KCNQ1: variants seen among roughly 807,000 people sequenced by gnomAD.
The protein encoded by KCNQ1 is potassium voltage-gated channel subfamily Q member 1, also known as potassium voltage-gated channel subfamily KQT member 1.
In KCNQ1, 49 loss-of-function variants were observed where a neutral mutation model predicts 72.4. The ratio of observed to expected loss-of-function variants is 0.68; its 90% CI spans 0.54 to 0.86. The LOEUF (loss-of-function observed/expected upper bound fraction) is 0.86, where lower values mean the gene tolerates loss of function less well. Among genes scored for constraint, KCNQ1 ranks in the 40% least tolerant of loss-of-function variants. The pLI is 0.00. For synonymous variants in KCNQ1, 450 were observed against 412.6 expected (o/e 1.09, Z -1.10); for missense variants, 790 against 945.1 (o/e 0.84, Z 2.15).
At chr11:2,548,543 G>A (rs1289712829) in intron 2 of KCNQ1, among the ~76,000 whole-genome samples, 1 of 152,176 alleles carries the variant, frequency 6.6e-6, no homozygotes, top group Admixed American at 6.5e-5. Flanking sequence ...CTCTGGGGGT[G>A]GGGGGACACG....
intron 15 of KCNQ1, among the ~76,000 whole-genome samples, chr11:2,805,738 A>C (rs1227856759): frequency 1.3e-5 from 2 of 152,182 alleles, no homozygotes; most frequent in African/African-American, 4.8e-5. Flanking sequence ...TGCAGAAATG[A>C]ACCTAATTGT....
rs200368609 is a variant in KCNQ1, at chr11:2,571,428, C to A, written c.683+25C>A. On this transcript the variant is annotated intron_variant, in intron 4 of 15. Transcript: ENST00000155840. Reference sequence around the variant, plus strand: ...GGTGCGTCTGTGCCACAAGCTCCCCCCGCCATGCCGCCCCACCCCGAGCAC... The same window carrying A: ...GGTGCGTCTGTGCCACAAGCTCCCCACGCCATGCCGCCCCACCCCGAGCAC... The A allele has an allele frequency of 1.9e-6, 3 of 1,591,368 alleles. No homozygotes were observed. The East Asian group carries it at 6.7e-5, about 36-fold the overall frequency.
Position 2,483,709 on chromosome 11 carries a change from T to A in KCNQ1, c.386+38225T>A, listed in dbSNP as rs150312648. Among the ~76,000 whole-genome samples the A allele has an allele frequency of 1.4e-4, 21 of 151,716 alleles. No homozygotes were observed. Among genetic ancestry groups the A allele is most frequent in the African/African-American group, 4.4e-4 (18 of 41,306 alleles). ...ATTTTTGGCAAGAACACCGCGGGAG[T>A]GTTGTTGGGTCCCGAGGAGTCCCTG... On this transcript the variant is annotated intron_variant, in intron 1 of 15. Coordinates refer to ENST00000155840, the MANE Select transcript of KCNQ1 (RefSeq NM_000218.3). The surrounding 1 kb of genome is among the most constrained non-coding windows in gnomAD (Gnocchi z 6.1).
At position 2,725,992 on chromosome 11, in the gene KCNQ1, G is replaced by A. The variant is rs541673747; in HGVS notation, c.1515-42852G>A. On this transcript the variant is annotated intron_variant, in intron 11 of 15. Coordinates refer to ENST00000155840, the MANE Select transcript of KCNQ1 (RefSeq NM_000218.3). The surrounding 1 kb of genome is among the most constrained non-coding windows in gnomAD (Gnocchi z 7.2). ...AAGGCCTCGCCAAGAAAAACAGCAG[G>A]CTAAAGACCCCTGATTTCTTCATGA... 9.8e-5 allele frequency among the ~76,000 whole-genome samples: 15 copies of A among 152,356 alleles called. No individual in the cohort carries two copies. Among genetic ancestry groups the A allele is most frequent in the African/African-American group, 3.6e-4 (15 of 41,586 alleles).
intron 15 of KCNQ1, among the ~76,000 whole-genome samples, chr11:2,804,240 C>T (rs554695171): frequency 3.3e-5 from 5 of 152,314 alleles, no homozygotes; most frequent in African/African-American, 9.6e-5. Context: ...TGCTCTCCAC[C>T]GAGCCCTGCA....
intron 2 of KCNQ1, among the ~76,000 whole-genome samples, chr11:2,542,905 C>A (rs1847851495): frequency 6.6e-6 from 1 of 152,120 alleles, no homozygotes; most frequent in Non-Finnish European, 1.5e-5. Context: ...TGGGTAAATA[C>A]CTAGGTATAG....
rs147278439 is a variant in KCNQ1 at position 2,733,857 on chromosome 11, C to CTCGCTCTTTCTCTCT, written c.1515-34987_1515-34986insTCGCTCTTTCTCTCT. Among the ~76,000 whole-genome samples, 635 of 76,346 alleles carry CTCGCTCTTTCTCTCT rather than the reference C, an allele frequency of 8.3e-3. 56 individuals are homozygous for CTCGCTCTTTCTCTCT. Among genetic ancestry groups the CTCGCTCTTTCTCTCT allele is most frequent in the African/African-American group, 0.033 (543 of 16,454 alleles). The allele number at this position is 76,346 out of a possible 152,430, so 50.1% of individuals were successfully genotyped here. Reference sequence around the variant, plus strand: ...TCTCTCTCTCTCTCTCTCTCTCTCTCCCCCCCCACTTCAGGGCCTTCGCGC... The same window carrying CTCGCTCTTTCTCTCT: ...TCTCTCTCTCTCTCTCTCTCTCTCTCTCGCTCTTTCTCTCTCCCCCCCACTTCAGGGCCTTCGCGC... On this transcript the variant is annotated intron_variant, in intron 11 of 15. Coordinates refer to ENST00000155840, the MANE Select transcript of KCNQ1 (RefSeq NM_000218.3).
intron 11 of KCNQ1, among the ~76,000 whole-genome samples, chr11:2,761,267 G>A (rs1411021713): frequency 9.0e-6 from 1 of 110,852 alleles, no homozygotes; most frequent in Non-Finnish European, 2.1e-5. Context: ...CTGCCGGCCT[G>A]TCGGTGCCTG....
intron 1 of KCNQ1, chr11:2,461,856 G>A (rs770126446): frequency 5.1e-6 from 3 of 592,546 alleles, no homozygotes; most frequent in Non-Finnish European, 8.1e-6. Flanking sequence ...AGAGAGAAAG[G>A]GGTGGGTGGA....
At chr11:2,749,686 GC>G (rs1355036816) in intron 11 of KCNQ1, among the ~76,000 whole-genome samples, 1 of 145,980 alleles carries the variant, frequency 6.9e-6, no homozygotes, top group East Asian at 2.2e-4. Flanking sequence ...GGTGGCGGGC[GC>G]CTGTGGTCCC....
chr11:2,814,977 C>G (rs1847585453), intron 15 of KCNQ1, among the ~76,000 whole-genome samples: 1 of 152,182 alleles, frequency 6.6e-6, no homozygotes, highest in South Asian at 2.1e-4. Flanking sequence ...AGCGCTATGC[C>G]CTTCTGAGGC....
chr11:2,569,973 C>T (rs1360736049), intron 2 of KCNQ1, among the ~76,000 whole-genome samples: 1 of 152,176 alleles, frequency 6.6e-6, no homozygotes, highest in African/African-American at 2.4e-5. Context: ...CAGGTGACTC[C>T]CTGTAAGGGC....
intron 15 of KCNQ1, among the ~76,000 whole-genome samples, chr11:2,833,998 C>T (rs1848011708): frequency 6.6e-6 from 1 of 152,242 alleles, no homozygotes; most frequent in Non-Finnish European, 1.5e-5. Flanking sequence ...AGCAGAACCC[C>T]ACTTAGCCAC....
chr11:2,627,289 A>C lies in KCNQ1; in HGVS notation c.1394-34672A>C, dbSNP rs10832405. ...AATCAAGCCAATTAACATATACCTT[A>C]CATAGTTGCCATGTGTGTGCGTGTG... On this transcript the variant is annotated intron_variant, in intron 10 of 15. Coordinates refer to ENST00000155840, the MANE Select transcript of KCNQ1 (RefSeq NM_000218.3). This position sits in a 1 kb window ranked among gnomAD's most constrained non-coding sequence, Gnocchi z 4.9. 354,975 of 398,436 alleles carry C rather than the reference A, an allele frequency of 0.89. 158,279 individuals are homozygous for C. The highest frequency in any genetic ancestry group is 0.91 in the East Asian group (25,652 of 28,058). The allele number at this position is 398,436 out of a possible 1,614,324, so 24.7% of individuals were successfully genotyped here.
At chr11:2,640,366 A>G (rs897005131) in intron 10 of KCNQ1, 10 of 398,448 alleles carry the variant, frequency 2.5e-5, no homozygotes, top group Non-Finnish European at 3.1e-5. Context: ...ACTTACTGCA[A>G]TCTTTAACTC....
chr11:2,763,693 A>G (rs1292637857), intron 11 of KCNQ1, among the ~76,000 whole-genome samples: 6 of 152,010 alleles, frequency 3.9e-5, no homozygotes, highest in Non-Finnish European at 5.9e-5. Flanking sequence ...GAGTAGCAAG[A>G]AGCACAGGTA....
intron 6 of KCNQ1, among the ~76,000 whole-genome samples, chr11:2,582,443 G>A (rs964776644): frequency 6.6e-6 from 1 of 152,230 alleles, no homozygotes. Flanking sequence ...ATAGGGCTGG[G>A]AATCCAGTGG....
At chr11:2,448,564 G>A (rs1004397757) in intron 1 of KCNQ1, among the ~76,000 whole-genome samples, 1 of 152,342 alleles carries the variant, frequency 6.6e-6, no homozygotes, top group East Asian at 1.9e-4. Flanking sequence ...GCAGCTGCTG[G>A]GCAGTTGTTC....
chr11:2,609,682 C>T (rs1848946054), intron 10 of KCNQ1: 2 of 398,124 alleles, frequency 5.0e-6, no homozygotes. Flanking sequence ...TCAGTTTTTG[C>T]TTCTTATGTT....
Sources: gnomAD v4.1 joint callset for allele counts (sites outside exome capture counted in the v4.1 genomes callset) on GRCh38, gnomAD v4.1.1 for gene constraint, Gnocchi (gnomAD v3.1) non-coding constraint, MANE v1.5 for transcripts, NCBI Gene and HGNC (gene_info 2026-07-23, HGNC 2026-07-21) for gene names.